NELL2: variants seen among roughly 807,000 people sequenced by gnomAD.
NELL2 encodes the protein neural EGFL like 2.
A neutral mutation model predicts 109.6 loss-of-function variants in NELL2; 41 were observed. The ratio of observed to expected loss-of-function variants is 0.37; its 90% CI spans 0.29 to 0.49. The LOEUF is 0.49. NELL2 is among the 20% of genes least tolerant of loss of function. The pLI is 0.98. For missense variants in NELL2, 900 were observed against 1,008.3 expected, an observed-to-expected ratio of 0.89 and a Z score of 1.45; for synonymous variants, 355 against 344.7, an observed-to-expected ratio of 1.03 and a Z score of -0.33.
intron 12 of NELL2, among the ~76,000 whole-genome samples, chr12:44,685,315 C>A (rs921242755): frequency 1.3e-5 from 2 of 151,782 alleles, no homozygotes; most frequent in Non-Finnish European, 2.9e-5. Flanking sequence ...TGTCTCTGCA[C>A]GTGAGATGGG....
intron 9 of NELL2, among the ~76,000 whole-genome samples, chr12:44,739,477 GT>G (rs1197031358): frequency 6.6e-6 from 1 of 152,168 alleles, no homozygotes; most frequent in East Asian, 1.9e-4. Context: ...TCCACCACCA[GT>G]TTTGTACAGG....
At chr12:44,525,558 C>T (rs985610713) in intron 16 of NELL2, among the ~76,000 whole-genome samples, 1 of 152,128 alleles carries the variant, frequency 6.6e-6, no homozygotes, top group Non-Finnish European at 1.5e-5. Flanking sequence ...AATTTTGGAA[C>T]CCATTTTTAC....
intron 13 of NELL2, among the ~76,000 whole-genome samples, chr12:44,613,068 T>C (rs975055542): frequency 6.6e-6 from 1 of 152,064 alleles, no homozygotes; most frequent in Non-Finnish European, 1.5e-5. Context: ...ATATGTTCCC[T>C]GTGACTGAAG....
chr12:44,680,316 A>G (rs1157769572), intron 12 of NELL2, among the ~76,000 whole-genome samples: 4 of 152,158 alleles, frequency 2.6e-5, no homozygotes, highest in Non-Finnish European at 4.4e-5. Flanking sequence ...TTGATTAGGA[A>G]GTAGGACCTT....
At chr12:44,726,437 C>T (rs528929140) in intron 9 of NELL2, among the ~76,000 whole-genome samples, 1 of 152,076 alleles carries the variant, frequency 6.6e-6, no homozygotes, top group South Asian at 2.1e-4. Flanking sequence ...CCAGTCAAAT[C>T]GCAATGGGCT....
chr12:44,538,237 C>T (rs867502709), intron 15 of NELL2, among the ~76,000 whole-genome samples: 1 of 152,172 alleles, frequency 6.6e-6, no homozygotes, highest in Non-Finnish European at 1.5e-5. Context: ...TCAGCCTATG[C>T]TTTGGAATAT....
At chr12:44,791,205 T>G (rs1942414757) in intron 3 of NELL2, among the ~76,000 whole-genome samples, 1 of 75,754 alleles carries the variant, frequency 1.3e-5, no homozygotes, top group Non-Finnish European at 2.6e-5. Flanking sequence ...TATATATATA[T>G]ATATATATAT....
intron 13 of NELL2, among the ~76,000 whole-genome samples, chr12:44,658,876 CCAAAA>C (rs1432072581): frequency 2.0e-5 from 2 of 97,616 alleles, no homozygotes; most frequent in African/African-American, 4.2e-5. Context: ...GACTCTGTCT[CCAAAA>C]AAAAAAAAAA....
At chr12:44,843,340 TA>T (rs1291642862) in intron 2 of NELL2, among the ~76,000 whole-genome samples, 1 of 152,104 alleles carries the variant, frequency 6.6e-6, no homozygotes, top group Non-Finnish European at 1.5e-5. Flanking sequence ...AAATGCAAAT[TA>T]AAGCCAGAGG....
At chr12:44,734,205 C>T (rs1471021790) in intron 9 of NELL2, among the ~76,000 whole-genome samples, 4 of 151,848 alleles carry the variant, frequency 2.6e-5, no homozygotes, top group Admixed American at 6.6e-5. Context: ...CTAGGTCCTC[C>T]TAGTAATTTT....
chr12:44,532,498 C>T, intron 16 of NELL2, 83 bp downstream of exon 16: 1 of 1,380,118 alleles, frequency 7.2e-7, no homozygotes, highest in Non-Finnish European at 9.9e-7. Context: ...AACATTGGCT[C>T]AATGTCTTCT....
intron 1 of NELL2, among the ~76,000 whole-genome samples, chr12:44,895,559 C>T (rs768807523): frequency 1.3e-5 from 2 of 152,168 alleles, no homozygotes; most frequent in African/African-American, 2.4e-5. Flanking sequence ...TTGTGACCAT[C>T]TCATGTAGCT....
intron 3 of NELL2, among the ~76,000 whole-genome samples, chr12:44,801,024 G>A (rs2136652693): frequency 6.6e-6 from 1 of 152,258 alleles, no homozygotes; most frequent in East Asian, 1.9e-4. Context: ...CATTTTGATT[G>A]TAGTGAGCAT....
chr12:44,786,311 GAAAACCACAATGAGAAACCATCTC>G (rs1942169302), intron 3 of NELL2, among the ~76,000 whole-genome samples: 1 of 152,074 alleles, frequency 6.6e-6, no homozygotes, highest in Non-Finnish European at 1.5e-5. Flanking sequence ...AAATGAAAAT[GAAAACCACAATGAGAAACCATCTC>G]ATGCCAGTTA....
At chr12:44,723,266 TA>T (rs1241382266) in intron 9 of NELL2, among the ~76,000 whole-genome samples, 1 of 151,860 alleles carries the variant, frequency 6.6e-6, no homozygotes, top group African/African-American at 2.4e-5. Flanking sequence ...TTGGGTCTTT[TA>T]ATATTTTAGA....
At chr12:44,678,667 C>A (rs1948395867) in intron 12 of NELL2, among the ~76,000 whole-genome samples, 1 of 152,036 alleles carries the variant, frequency 6.6e-6, no homozygotes, top group African/African-American at 2.4e-5. Flanking sequence ...AGAGTGGATT[C>A]TGTTGTTTGC....
At chr12:44,634,570 C>G (rs181520745) in intron 13 of NELL2, among the ~76,000 whole-genome samples, 19 of 152,194 alleles carry the variant, frequency 1.2e-4, no homozygotes, top group Non-Finnish European at 2.6e-4. Context: ...TCCAGTCTAT[C>G]ATTGATGGGC....
intron 2 of NELL2, among the ~76,000 whole-genome samples, chr12:44,866,700 T>C: frequency 6.6e-6 from 1 of 151,824 alleles, no homozygotes; most frequent in African/African-American, 2.4e-5. Flanking sequence ...TGTTTTCTAA[T>C]GAAGATAAAC....
At chr12:44,718,499 T>C (rs1938606522) in intron 9 of NELL2, among the ~76,000 whole-genome samples, 1 of 152,170 alleles carries the variant, frequency 6.6e-6, no homozygotes, top group Non-Finnish European at 1.5e-5. Flanking sequence ...TCTTCCCTAG[T>C]TTTGTTGTGT....
Sources: gnomAD v4.1 joint callset for allele counts (sites outside exome capture counted in the v4.1 genomes callset) on GRCh38, gnomAD v4.1.1 for gene constraint, MANE v1.5 for transcripts, NCBI Gene and HGNC (gene_info 2026-07-23, HGNC 2026-07-21) for gene names.